The following FBXO34 variants were observed in gnomAD, a reference collection of about 807,000 sequenced individuals.
FBXO34 encodes the protein F-box protein 34, also known as F-box only protein 34.
In FBXO34, 12 loss-of-function variants were observed where a neutral mutation model predicts 24.5. That is an observed-to-expected ratio of 0.49 (90% CI 0.31 to 0.79). FBXO34 has a LOEUF of 0.79. Ranked by LOEUF, FBXO34 falls within the 30% of genes least tolerant of loss-of-function variation. The pLI is 0.04. For missense variants in FBXO34, 823 were observed against 857.7 expected (o/e 0.96, Z 0.51); for synonymous variants, 320 against 311.9 (o/e 1.03, Z -0.27).
chr14:55,361,512 G>A (rs560508024), intron 3 of FBXO34, among the ~76,000 whole-genome samples: 8 of 152,284 alleles, frequency 5.3e-5, no homozygotes, highest in African/African-American at 1.2e-4. Context: ...GTCACCAGCC[G>A]TATTAGCCCC....
chr14:55,375,879 TA>T, the FBXO34 span, among the ~76,000 whole-genome samples: 1 of 152,236 alleles, frequency 6.6e-6, no homozygotes. Context: ...TCTATGTAAG[TA>T]ACGTGCCATG....
chr14:55,351,570 C>G lies in FBXO34; in HGVS notation c.1180C>G (p.Gln394Glu). 4.3e-6 allele frequency: 7 copies of G among 1,614,122 alleles called. No homozygotes were observed. Among genetic ancestry groups the G allele is most frequent in the Non-Finnish European group, 5.9e-6 (7 of 1,180,016 alleles). ...IDSAELEPGS[Q>E]TAVKNSNRYD... ...CAGTGCAGAGTTAGAGCCGGGTTCG[C>G]AAACTGCCGTGAAAAACAGCAACAG... The change falls in exon 2 of 2, where the codon CAA becomes GAA. Residue 394 changes from glutamine to glutamate, a missense_variant. Physicochemically the swap from Gln to Glu is conservative, Grantham distance 29. Transcript: ENST00000313833.
intron 1 of FBXO34, among the ~76,000 whole-genome samples, chr14:55,281,118 G>A (rs1881526150): frequency 1.3e-5 from 2 of 152,156 alleles, no homozygotes; most frequent in South Asian, 4.2e-4. Context: ...TTTGGGCATG[G>A]TAGCCCATGC....
chr14:55,280,343 A>G (rs1367215667), intron 1 of FBXO34, among the ~76,000 whole-genome samples: 1 of 151,944 alleles, frequency 6.6e-6, no homozygotes, highest in Non-Finnish European at 1.5e-5. Flanking sequence ...ATACCTGAGG[A>G]AAAAAAATTA....
chr14:55,421,090 T>C, the FBXO34 span, among the ~76,000 whole-genome samples: 1 of 145,484 alleles, frequency 6.9e-6, no homozygotes, highest in Non-Finnish European at 1.5e-5. Context: ...AAAAAAGAAA[T>C]TTGGGGTAGG....
intron 1 of FBXO34, among the ~76,000 whole-genome samples, chr14:55,293,551 G>A (rs1359044613): frequency 6.6e-6 from 1 of 151,672 alleles, no homozygotes. Flanking sequence ...GATACTTTGA[G>A]TACAGTATCG....
the FBXO34 span, among the ~76,000 whole-genome samples, chr14:55,439,653 G>A: frequency 7.5e-6 from 1 of 133,678 alleles, no homozygotes; most frequent in Admixed American, 8.9e-5. Context: ...AAAATTAGCC[G>A]GGCATGGTGG....
chr14:55,380,480 A>C, the FBXO34 span: 1 of 816,880 alleles, frequency 1.2e-6, no homozygotes, highest in Middle Eastern at 2.4e-4. Flanking sequence ...TAATACTTAC[A>C]TTCTTATTTT....
At chr14:55,421,431 G>T in the FBXO34 span, among the ~76,000 whole-genome samples, 1 of 152,094 alleles carries the variant, frequency 6.6e-6, no homozygotes, top group South Asian at 2.1e-4. Flanking sequence ...CATTCAAAAC[G>T]TTCTTGGATT....
chr14:55,409,928 G>A, the FBXO34 span, among the ~76,000 whole-genome samples: 1 of 152,208 alleles, frequency 6.6e-6, no homozygotes, highest in African/African-American at 2.4e-5. Flanking sequence ...GTCTCTGGTA[G>A]ATTGGACCAG....
chr14:55,357,397 C>G (rs887669712), downstream of FBXO34, among the ~76,000 whole-genome samples: 10 of 152,196 alleles, frequency 6.6e-5, no homozygotes, highest in Non-Finnish European at 1.5e-4. Flanking sequence ...CCCAGAGGCC[C>G]CCTCAGCCAA....
Position 55,350,738 on chromosome 14 carries a change from C to A in FBXO34, c.348C>A (p.Thr116=). 1 of 1,608,580 alleles carries A rather than the reference C, an allele frequency of 6.2e-7. No individual in the cohort carries two copies. Among genetic ancestry groups the A allele is most frequent in the Admixed American group, 1.7e-5 (1 of 58,430 alleles). Residue 116 remains threonine, a synonymous_variant, in exon 2 of 2, where the codon ACC becomes ACA. Transcript: ENST00000313833. ...GGGCTGTTGTGAAACCTGGAAATAC[C>A]AAGGAAAAAATTGCATTCTTTGCAT... The part of the protein sequence containing the change: ...DIWAVVKPGN[T]KEKIAFFASH...
chr14:55,366,013 A>C (rs1326963813), downstream of FBXO34, among the ~76,000 whole-genome samples: 1 of 152,156 alleles, frequency 6.6e-6, no homozygotes, highest in African/African-American at 2.4e-5. Context: ...AGTGGTTCCA[A>C]CATTTCCCTT....
At chr14:55,419,627 C>T in the FBXO34 span, among the ~76,000 whole-genome samples, 1 of 152,168 alleles carries the variant, frequency 6.6e-6, no homozygotes, top group Non-Finnish European at 1.5e-5. Flanking sequence ...GCTTACTTGA[C>T]TATAATTAGG....
chr14:55,388,410 G>A, the FBXO34 span, among the ~76,000 whole-genome samples: 47 of 152,272 alleles, frequency 3.1e-4, no homozygotes, highest in South Asian at 8.7e-3. Flanking sequence ...TCAGCAGGCA[G>A]TCATCCTCTC....
Position 55,321,856 on chromosome 14 carries a change from G to A in FBXO34, c.-10-28525G>A, listed in dbSNP as rs372067605. ...GATCTGTCAAAAATACTCATCTTTA[G>A]TGGACCTCAGATCCCTACAGTTTTG... On this transcript the variant is annotated intron_variant, in intron 1 of 1. Coordinates refer to ENST00000313833, the MANE Select transcript of FBXO34 (RefSeq NM_017943.4). Among the ~76,000 whole-genome samples the A allele has an allele frequency of 3.9e-5, 6 of 152,172 alleles. No homozygotes were observed. The East Asian group carries it at 5.8e-4, about 15-fold the overall frequency.
chr14:55,380,746 A>C, the FBXO34 span: 2 of 1,180,274 alleles, frequency 1.7e-6, no homozygotes, highest in Non-Finnish European at 2.5e-6. Context: ...AAAACTACTA[A>C]TAATCCACGA....
intron 1 of FBXO34, among the ~76,000 whole-genome samples, chr14:55,274,445 G>A (rs138503005): frequency 8.5e-5 from 13 of 152,180 alleles, no homozygotes; most frequent in African/African-American, 2.6e-4. Context: ...TCCAGTTTTG[G>A]GTCTGGGAAG....
chr14:55,377,467 A>AG, the FBXO34 span, among the ~76,000 whole-genome samples: 1 of 152,164 alleles, frequency 6.6e-6, no homozygotes, highest in East Asian at 1.9e-4. Flanking sequence ...CTTTTTATAA[A>AG]GGGGTCTATG....
Sources: gnomAD v4.1 joint callset for allele counts (sites outside exome capture counted in the v4.1 genomes callset) on GRCh38, gnomAD v4.1.1 for gene constraint, MANE v1.5 for transcripts, NCBI Gene and HGNC (gene_info 2026-07-23, HGNC 2026-07-21) for gene names.